NPAS3: variants seen among roughly 807,000 people sequenced by gnomAD.
The protein encoded by NPAS3 is neuronal PAS domain-containing protein 3.
A neutral mutation model predicts 73.1 loss-of-function variants in NPAS3; 14 were observed. That is an observed-to-expected ratio of 0.19 (90% CI 0.13 to 0.30). The LOEUF is 0.30. Ranked by LOEUF, NPAS3 falls within the 10% of genes least tolerant of loss-of-function variation. The pLI is 1.00. For missense variants in NPAS3, 1,096 were observed against 1,250.0 expected (o/e 0.88, Z 1.86); for synonymous variants, 620 against 541.5 (o/e 1.14, Z -2.01).
intron 5 of NPAS3, among the ~76,000 whole-genome samples, chr14:33,600,622 C>T (rs914951846): frequency 1.3e-5 from 2 of 152,088 alleles, no homozygotes; most frequent in African/African-American, 4.8e-5. Flanking sequence ...AATTGGCTTG[C>T]CCATAGTTAT....
chr14:33,689,661 C>T (rs2060181102), intron 6 of NPAS3, among the ~76,000 whole-genome samples: 1 of 152,202 alleles, frequency 6.6e-6, no homozygotes, highest in African/African-American at 2.4e-5. Flanking sequence ...CTTTCGTAGA[C>T]TCCACTGAAG....
chr14:33,786,247 T>G (rs1471656029), intron 9 of NPAS3, among the ~76,000 whole-genome samples: 4 of 152,174 alleles, frequency 2.6e-5, no homozygotes, highest in African/African-American at 9.7e-5. Context: ...AGAATCTATG[T>G]TTTCACAATA....
At chr14:33,563,069 G>A (rs2055732417) in intron 5 of NPAS3, among the ~76,000 whole-genome samples, 1 of 152,132 alleles carries the variant, frequency 6.6e-6, no homozygotes, top group Non-Finnish European at 1.5e-5. Flanking sequence ...AAGACAATGT[G>A]TAACTCTGTC....
At chr14:33,748,615 A>C (rs1365156411) in intron 7 of NPAS3, among the ~76,000 whole-genome samples, 1 of 152,176 alleles carries the variant, frequency 6.6e-6, no homozygotes, top group Non-Finnish European at 1.5e-5. Context: ...AGAGTCAAAA[A>C]ATTTCATCCC....
chr14:33,510,441 T>C (rs2052991960), intron 4 of NPAS3, among the ~76,000 whole-genome samples: 1 of 151,974 alleles, frequency 6.6e-6, no homozygotes, highest in South Asian at 2.1e-4. Flanking sequence ...TTAAATCACT[T>C]CCAGTTCCCA....
At chr14:33,428,760 T>A (rs767561159) in intron 4 of NPAS3, among the ~76,000 whole-genome samples, 6 of 152,136 alleles carry the variant, frequency 3.9e-5, no homozygotes, top group Non-Finnish European at 7.4e-5. Flanking sequence ...TTTCTTCAAA[T>A]CCCTTGAGTA....
chr14:33,350,262 T>C (rs1197349653), intron 3 of NPAS3, among the ~76,000 whole-genome samples: 2 of 152,088 alleles, frequency 1.3e-5, no homozygotes, highest in African/African-American at 4.8e-5. Flanking sequence ...CCATGGAGAG[T>C]GTAAGACCAG....
chr14:33,244,803 A>T (rs1176039236), intron 3 of NPAS3, among the ~76,000 whole-genome samples: 2 of 152,208 alleles, frequency 1.3e-5, no homozygotes, highest in African/African-American at 4.8e-5. Flanking sequence ...GGCATGAGTA[A>T]AGGCCACCCC....
intron 4 of NPAS3, among the ~76,000 whole-genome samples, chr14:33,389,545 C>A (rs535251744): frequency 6.6e-6 from 1 of 152,278 alleles, no homozygotes; most frequent in Non-Finnish European, 1.5e-5. Context: ...CAAAGTGACA[C>A]TAATGCAGCT....
chr14:33,129,894 C>T (rs1348055611), intron 2 of NPAS3, among the ~76,000 whole-genome samples: 1 of 152,088 alleles, frequency 6.6e-6, no homozygotes, highest in Non-Finnish European at 1.5e-5. Flanking sequence ...GTGTTTTTAA[C>T]TCCTTGAACT....
At chr14:32,955,925 A>G (rs1187333805) in intron 1 of NPAS3, among the ~76,000 whole-genome samples, 1 of 152,116 alleles carries the variant, frequency 6.6e-6, no homozygotes, top group African/African-American at 2.4e-5. Context: ...TCAAAATTGA[A>G]TTGTTTATAT....
intron 4 of NPAS3, among the ~76,000 whole-genome samples, chr14:33,551,941 C>T (rs909683468): frequency 3.9e-5 from 6 of 152,296 alleles, no homozygotes; most frequent in African/African-American, 1.2e-4. Context: ...TCAGGGTATC[C>T]TAAATTGGAA....
chr14:33,636,078 G>A (rs1253009941), intron 5 of NPAS3, among the ~76,000 whole-genome samples: 1 of 152,136 alleles, frequency 6.6e-6, no homozygotes, highest in African/African-American at 2.4e-5. Flanking sequence ...GCACCACCAC[G>A]CCTGGCTAAT....
chr14:33,430,343 G>T (rs916434417), intron 4 of NPAS3, among the ~76,000 whole-genome samples: 1 of 152,034 alleles, frequency 6.6e-6, no homozygotes, highest in Non-Finnish European at 1.5e-5. Context: ...TAGGAGTAGA[G>T]AATAAACTGG....
intron 1 of NPAS3, among the ~76,000 whole-genome samples, chr14:32,964,619 C>T (rs1356580740): frequency 6.6e-6 from 1 of 152,006 alleles, no homozygotes. Context: ...ATAGGCAGCC[C>T]ATATATTCTG....
intron 6 of NPAS3, among the ~76,000 whole-genome samples, chr14:33,715,446 G>A (rs767129262): frequency 2.0e-5 from 3 of 152,098 alleles, no homozygotes; most frequent in Non-Finnish European, 4.4e-5. Flanking sequence ...GCATTGGGCT[G>A]GGAGTAAGGA....
At chr14:33,270,134 A>G (rs980304409) in intron 3 of NPAS3, among the ~76,000 whole-genome samples, 29 of 152,244 alleles carry the variant, frequency 1.9e-4, no homozygotes, top group Middle Eastern at 3.4e-3. Context: ...TGTACCCCAG[A>G]TAAGTCAGTC....
intron 4 of NPAS3, among the ~76,000 whole-genome samples, chr14:33,478,907 A>T (rs1294403538): frequency 6.6e-6 from 1 of 152,126 alleles, no homozygotes; most frequent in Non-Finnish European, 1.5e-5. Flanking sequence ...TCTGGCTGCC[A>T]ATCTCATTAA....
At chr14:33,406,785 A>C (rs1242105145) in intron 4 of NPAS3, among the ~76,000 whole-genome samples, 1 of 152,116 alleles carries the variant, frequency 6.6e-6, no homozygotes, top group Non-Finnish European at 1.5e-5. Context: ...AGTTTTAACC[A>C]ACTACTGCAT....
Sources: gnomAD v4.1 joint callset for allele counts (sites outside exome capture counted in the v4.1 genomes callset) on GRCh38, gnomAD v4.1.1 for gene constraint, MANE v1.5 for transcripts, NCBI Gene and HGNC (gene_info 2026-07-23, HGNC 2026-07-21) for gene names.